Variants in TMEM242 observed in about 807,000 individuals in gnomAD.
TMEM242 encodes transmembrane protein 242.
In TMEM242, 10 loss-of-function variants were observed where a neutral mutation model predicts 18.2. The ratio of observed to expected loss-of-function variants is 0.55; its 90% CI spans 0.34 to 0.93. TMEM242 has a LOEUF of 0.93. Ranked by LOEUF, TMEM242 falls within the 40% of genes least tolerant of loss-of-function variation. TMEM242 has a pLI of 0.02. For synonymous variants in TMEM242, 57 were observed against 69.9 expected, an observed-to-expected ratio of 0.81 and a Z score of 0.92; for missense variants, 186 against 175.5, an observed-to-expected ratio of 1.06 and a Z score of -0.34.
intron 3 of TMEM242, among the ~76,000 whole-genome samples, chr6:157,316,770 G>A (rs1437189336): frequency 6.6e-6 from 1 of 152,184 alleles, no homozygotes; most frequent in East Asian, 1.9e-4. Context: ...CAGCTACACA[G>A]GAGGCTGAGG....
At chr6:157,313,117 C>A (rs79381410) in intron 3 of TMEM242, among the ~76,000 whole-genome samples, 95 of 127,028 alleles carry the variant, frequency 7.5e-4, no homozygotes, top group East Asian at 1.6e-3. Context: ...AGTGTGTGCT[C>A]ACCCGGCCTC....
Position 157,291,215 on chromosome 6 carries a change from C to T in TMEM242, c.*1686G>A, listed in dbSNP as rs1461342505. The T allele has an allele frequency of 3.3e-5, 5 of 152,346 alleles. No individual in the cohort carries two copies. Among genetic ancestry groups the T allele is most frequent in the African/African-American group, 1.2e-4 (5 of 41,574 alleles). The allele number at this position is 152,346 out of a possible 1,614,324, so 9.4% of individuals were successfully genotyped here. A position where few individuals can be genotyped will look rare whatever the true frequency, so the allele number is the denominator to read the frequency against. Reference sequence around the variant, plus strand: ...GTCTCCTTTCTCCACCCAGTGGAGGCCTTTAGAAACCACTAGGCATTCTCC... The same window carrying T: ...GTCTCCTTTCTCCACCCAGTGGAGGTCTTTAGAAACCACTAGGCATTCTCC... On this transcript the variant is annotated 3_prime_UTR_variant, in exon 4 of 4. Transcript: ENST00000400788.
intron 3 of TMEM242, among the ~76,000 whole-genome samples, chr6:157,314,165 C>T (rs62422772): frequency 2.7e-5 from 4 of 148,254 alleles, no homozygotes; most frequent in Non-Finnish European, 6.0e-5. Flanking sequence ...CCTGTGTGCG[C>T]TCACCCGGCC....
At chr6:157,312,356 T>TA (rs74209830) in intron 3 of TMEM242, among the ~76,000 whole-genome samples, 692 of 24,936 alleles carry the variant, frequency 0.028, 2 homozygotes, top group Middle Eastern at 0.071. Flanking sequence ...AGCCTCATCA[T>TA]GTCCCAGTGT....
At position 157,323,420 on chromosome 6, in the gene TMEM242, A is replaced by C. The variant is rs1778528818; in HGVS notation, c.80T>G (p.Leu27Arg). ...ACCACAGCACATCTTACCTTTAACC[A>C]GGAAAAGCCGGTCATTCGTGGACCC... ...APGSTNDRLF[L>R]VKGGIFLGTV... is the part of the protein sequence containing the mutation. The change falls in exon 1 of 4, where the codon CTG becomes CGG. Residue 27 changes from leucine (L) to arginine (R), a missense_variant. Transcript: ENST00000400788. The C allele has an allele frequency of 6.2e-7, 1 of 1,613,948 alleles. No individual in the cohort carries two copies. Among genetic ancestry groups the C allele is most frequent in the African/African-American group, 1.3e-5 (1 of 74,926 alleles).
intron 3 of TMEM242, among the ~76,000 whole-genome samples, chr6:157,304,646 G>A (rs1444344113): frequency 6.6e-6 from 1 of 152,144 alleles, no homozygotes; most frequent in African/African-American, 2.4e-5. Context: ...TCTACCCTCA[G>A]AATCTACATT....
chr6:157,313,360 G>A (rs372165162), intron 3 of TMEM242, among the ~76,000 whole-genome samples: 1,516 of 14,532 alleles, frequency 0.1, no homozygotes, highest in Middle Eastern at 0.19. Context: ...GCGCTCACCT[G>A]GCCTCATCAT....
intron 3 of TMEM242, among the ~76,000 whole-genome samples, chr6:157,313,122 G>T (rs78668744): frequency 4.7e-4 from 1 of 2,134 alleles, no homozygotes; most frequent in Admixed American, 6.0e-3. Context: ...GTGCTCACCC[G>T]GCCTCATCAT....
intron 3 of TMEM242, among the ~76,000 whole-genome samples, chr6:157,313,100 G>T (rs1583570888): frequency 1.1e-5 from 1 of 92,740 alleles, no homozygotes; most frequent in Non-Finnish European, 2.4e-5. Flanking sequence ...CCTCATCAAA[G>T]TGTCCCAGTG....
At chr6:157,312,636 GCA>G (rs1778205278) in intron 3 of TMEM242, among the ~76,000 whole-genome samples, 6 of 148,634 alleles carry the variant, frequency 4.0e-5, no homozygotes, top group Non-Finnish European at 4.5e-5. Flanking sequence ...GTCGCAGTGT[GCA>G]CTCACCCGGC....
chr6:157,298,620 C>T (rs1777783115), intron 3 of TMEM242, among the ~76,000 whole-genome samples: 2 of 152,124 alleles, frequency 1.3e-5, no homozygotes, highest in African/African-American at 2.4e-5. Context: ...ATAAAAAATA[C>T]CTGTACGTAT....
chr6:157,300,220 CCT>C (rs1453887605), intron 3 of TMEM242: 1 of 427,674 alleles, frequency 2.3e-6, no homozygotes, highest in Non-Finnish European at 4.3e-6. Flanking sequence ...CACCTTCAGC[CCT>C]CTGTGGCGAG....
intron 3 of TMEM242, among the ~76,000 whole-genome samples, chr6:157,303,247 A>G (rs1777853585): frequency 6.6e-6 from 1 of 152,242 alleles, no homozygotes; most frequent in African/African-American, 2.4e-5. Context: ...GGAACTGTAG[A>G]GCTGAGTGAG....
At chr6:157,301,889 G>C (rs1036756467) in intron 3 of TMEM242, among the ~76,000 whole-genome samples, 2 of 152,130 alleles carry the variant, frequency 1.3e-5, no homozygotes, top group Non-Finnish European at 1.5e-5. Flanking sequence ...CCAAGTTCAT[G>C]ACACTGCACT....
chr6:157,301,910 C>T (rs1269957025), intron 3 of TMEM242, among the ~76,000 whole-genome samples: 5 of 151,912 alleles, frequency 3.3e-5, no homozygotes, highest in African/African-American at 9.7e-5. Context: ...CCAGCCTGGG[C>T]GATAGAGCAA....
chr6:157,306,236 A>G (rs1483965844), intron 3 of TMEM242, among the ~76,000 whole-genome samples: 1 of 152,206 alleles, frequency 6.6e-6, no homozygotes, highest in African/African-American at 2.4e-5. Flanking sequence ...AGAGAAGGTG[A>G]AGGCCAGAGT....
rs1447220048 is a variant in TMEM242, at chr6:157,289,788, CAT to C, written c.*3111_*3112del. ...ATACTATCCATGAAACTAAACAAAA[CAT>C]GTGACAGCCCAGGTGATTCGATGCC... On this transcript the variant is annotated 3_prime_UTR_variant, in exon 4 of 4. Coordinates refer to ENST00000400788, the MANE Select transcript of TMEM242 (RefSeq NM_018452.6). 2.1e-5 allele frequency: 3 copies of C among 140,584 alleles called. No homozygotes were observed. The highest frequency in any genetic ancestry group is 3.0e-5 in the Non-Finnish European group (2 of 65,598). The allele number at this position is 140,584 out of a possible 1,614,324, so 8.7% of individuals were successfully genotyped here. A position where few individuals can be genotyped will look rare whatever the true frequency, so the allele number is the denominator to read the frequency against.
intron 3 of TMEM242, among the ~76,000 whole-genome samples, chr6:157,313,831 A>T (rs868933361): frequency 1.4e-5 from 2 of 140,076 alleles, no homozygotes; most frequent in Admixed American, 1.4e-4. Context: ...GTGTGCGCTC[A>T]CCTAGCCTCA....
At position 157,292,851 on chromosome 6, in the gene TMEM242, A is replaced by C; in HGVS notation, c.*50T>G. 6.9e-7 allele frequency: 1 copy of C among 1,445,100 alleles called. No individual in the cohort carries two copies. The highest frequency in any genetic ancestry group is 9.7e-7 in the Non-Finnish European group (1 of 1,030,182). 89.5% of individuals were successfully genotyped at this position (1,445,100 alleles called of 1,614,324 possible). ...GTCCTTTTGCTGTCATGGTGTCTCC[A>C]GAGCCACCCCTTTCTGTAACAAGCA... On this transcript the variant is annotated 3_prime_UTR_variant, in exon 4 of 4. Transcript: ENST00000400788.
Sources: gnomAD v4.1 joint callset for allele counts (sites outside exome capture counted in the v4.1 genomes callset) on GRCh38, gnomAD v4.1.1 for gene constraint, MANE v1.5 for transcripts, NCBI Gene and HGNC (gene_info 2026-07-23, HGNC 2026-07-21) for gene names.